CBFA2T2: variants seen among roughly 807,000 people sequenced by gnomAD.
CBFA2T2 encodes the protein CBFA2/RUNX1 partner transcriptional co-repressor 2.
CBFA2T2 carries 11 observed loss-of-function variants against 62.2 expected under a neutral mutation model. The observed-to-expected ratio is 0.18, with a 90% confidence interval of 0.11 to 0.29. CBFA2T2 has a LOEUF of 0.29. Among genes scored for constraint, CBFA2T2 ranks in the 10% least tolerant of loss-of-function variants. The pLI, the probability that CBFA2T2 is intolerant of heterozygous loss-of-function variation, is 1.00. For synonymous variants in CBFA2T2, 295 were observed against 287.5 expected, an observed-to-expected ratio of 1.03 and a Z score of -0.27; for missense variants, 592 against 774.1, an observed-to-expected ratio of 0.76 and a Z score of 2.79.
At position 33,569,138 on chromosome 20, in the gene CBFA2T2, A is replaced by G. The variant is rs1388991855; in HGVS notation, c.35-37818A>G. ...TTTCATGCCACACCCATAATATTCAAGCAAATCGTGGCCCAGTGCCCCTAG... is the reference window on the plus strand; with the variant it reads ...TTTCATGCCACACCCATAATATTCAGGCAAATCGTGGCCCAGTGCCCCTAG... On this transcript the variant is annotated intron_variant, in intron 1 of 10. Coordinates refer to ENST00000342704, the MANE Select transcript of CBFA2T2 (RefSeq NM_001032999.3). 2.0e-5 allele frequency among the ~76,000 whole-genome samples: 3 copies of G among 152,222 alleles called. No individual in the cohort carries two copies. The East Asian group carries it at 5.8e-4, about 29-fold the overall frequency.
chr20:33,567,296 G>C (rs2146898646), intron 1 of CBFA2T2, among the ~76,000 whole-genome samples: 1 of 152,290 alleles, frequency 6.6e-6, no homozygotes, highest in East Asian at 1.9e-4. Context: ...TCAGCAGTTT[G>C]TTATAGATGC....
Position 33,624,898 on chromosome 20 carries a change from A to G in CBFA2T2, c.827A>G (p.His276Arg). 1 of 1,614,068 alleles carries G rather than the reference A, an allele frequency of 6.2e-7. No homozygotes were observed. The highest frequency in any genetic ancestry group is 8.5e-7 in the Non-Finnish European group (1 of 1,179,998). ...VPLMNPGGQF[H>R]PTPPPLQHYT... ...CTCATGAATCCCGGGGGCCAATTCC[A>G]TCCTACCCCTCCACCTCTTCAGCAT... The change falls in exon 6 of 11, where the codon CAT becomes CGT. Residue 276 changes from histidine (H) to arginine (R), a missense_variant. Physicochemically the swap from His to Arg is conservative, Grantham distance 29. This residue lies in a region of CBFA2T2 where 449 missense variants were observed against 551.2 expected (regional missense o/e 0.81). Coordinates refer to ENST00000342704, the MANE Select transcript of CBFA2T2 (RefSeq NM_001032999.3).
At chr20:33,514,206 G>GT (rs1196003433) in intron 1 of CBFA2T2, among the ~76,000 whole-genome samples, 9,020 of 53,390 alleles carry the variant, frequency 0.17, 3,107 homozygotes, top group East Asian at 0.35. Flanking sequence ...CCCTGCCTTT[G>GT]TTTTTTTTTT....
chr20:33,636,258 C>CAA lies in CBFA2T2; in HGVS notation c.1229-362_1229-361dup, dbSNP rs34178424. On this transcript the variant is annotated intron_variant, in intron 8 of 10. Transcript: ENST00000342704. ...TGGGTGACAGAGTGAGACTCCGTCT[C>CAA]AAAAAAAAAAAAAAAAAAAAATCTG... Among the ~76,000 whole-genome samples, 216 of 74,948 alleles carry CAA rather than the reference C, an allele frequency of 2.9e-3. 2 individuals are homozygous for CAA. In the Middle Eastern group the frequency reaches 0.032, roughly 11 times the overall value. The allele number at this position is 74,948 out of a possible 152,430, so 49.2% of individuals were successfully genotyped here. A position where few individuals can be genotyped will look rare whatever the true frequency, so the allele number is the denominator to read the frequency against.
chr20:33,521,628 G>T (rs1423493654), intron 1 of CBFA2T2, among the ~76,000 whole-genome samples: 1 of 152,178 alleles, frequency 6.6e-6, no homozygotes, highest in African/African-American at 2.4e-5. Context: ...TGTACCATCT[G>T]TGGGAGCAGG....
In CBFA2T2 at chr20:33,566,549, G is replaced by T. The variant is rs144910408; in HGVS notation, c.35-40407G>T. Among the ~76,000 whole-genome samples, 848 of 152,066 alleles carry T rather than the reference G, an allele frequency of 5.6e-3. 5 individuals are homozygous for T. Among genetic ancestry groups the T allele is most frequent in the African/African-American group, 0.019 (792 of 41,454 alleles). ...TGAACCTGGGAGGCGGAAGTTGCAG[G>T]GAGCTGAGATCATGCCACTGTACTC... On this transcript the variant is annotated intron_variant, in intron 1 of 10. Transcript: ENST00000342704.
chr20:33,630,035 G>A, intron 8 of CBFA2T2, 121 bp downstream of exon 8: 1 of 833,580 alleles, frequency 1.2e-6, no homozygotes, highest in East Asian at 2.8e-5. Flanking sequence ...GTGGATTTAG[G>A]GAAACTCAGG....
chr20:33,644,919 A>G lies in CBFA2T2; in HGVS notation c.*273A>G, dbSNP rs2122409362. ...TTTGTTCCTCTCTCCACTGAAGCTG[A>G]CTTAGCCGGCCCCTTTTCAGTGTAG... is the stretch of plus-strand genomic sequence containing the variant. On this transcript the variant is annotated 3_prime_UTR_variant, in exon 11 of 11. Coordinates refer to ENST00000342704, the MANE Select transcript of CBFA2T2 (RefSeq NM_001032999.3). 4.6e-6 allele frequency: 2 copies of G among 435,192 alleles called. No individual in the cohort carries two copies. Among genetic ancestry groups the G allele is most frequent in the Non-Finnish European group, 8.2e-6 (2 of 243,628 alleles). 27.0% of individuals were successfully genotyped at this position (435,192 alleles called of 1,614,324 possible).
At chr20:33,636,871 T>C (rs2016653176) in intron 9 of CBFA2T2, among the ~76,000 whole-genome samples, 163 bp downstream of exon 9, 1 of 152,212 alleles carries the variant, frequency 6.6e-6, no homozygotes, top group African/African-American at 2.4e-5. Flanking sequence ...TTGTCCTGCA[T>C]GTCTCCTGAT....
At chr20:33,644,049 G>C (rs1436088308) in intron 10 of CBFA2T2, among the ~76,000 whole-genome samples, 1 of 151,674 alleles carries the variant, frequency 6.6e-6, no homozygotes, top group Admixed American at 6.6e-5. Flanking sequence ...AGGCAGGAGA[G>C]ATGGCCACCT....
intron 6 of CBFA2T2, among the ~76,000 whole-genome samples, chr20:33,627,597 G>T (rs1251681074): frequency 6.6e-6 from 1 of 152,092 alleles, no homozygotes; most frequent in Non-Finnish European, 1.5e-5. Flanking sequence ...TCAGCCTCCT[G>T]AGTGGCTGGG....
chr20:33,506,236 C>T (rs2011400668), intron 1 of CBFA2T2, among the ~76,000 whole-genome samples: 1 of 152,030 alleles, frequency 6.6e-6, no homozygotes, highest in Non-Finnish European at 1.5e-5. Flanking sequence ...CAGACCCTGT[C>T]TCTACAAGAT....
chr20:33,609,334 C>G (rs1177414651), intron 2 of CBFA2T2, among the ~76,000 whole-genome samples: 1 of 152,156 alleles, frequency 6.6e-6, no homozygotes, highest in South Asian at 2.1e-4. Flanking sequence ...AACCCTGTCT[C>G]TACTAAAAAT....
chr20:33,564,932 C>G (rs146041089), intron 1 of CBFA2T2, among the ~76,000 whole-genome samples: 1 of 151,834 alleles, frequency 6.6e-6, no homozygotes. Flanking sequence ...CTTTTCTTTT[C>G]TTTTTGAGAC....
chr20:33,542,833 G>C (rs1222944804), intron 1 of CBFA2T2, among the ~76,000 whole-genome samples: 2 of 151,900 alleles, frequency 1.3e-5, no homozygotes, highest in South Asian at 2.1e-4. Flanking sequence ...GGCCACACCT[G>C]ACTAATTTTA....
chr20:33,514,421 G>A (rs2011566085), intron 1 of CBFA2T2, among the ~76,000 whole-genome samples: 1 of 151,728 alleles, frequency 6.6e-6, no homozygotes, highest in Non-Finnish European at 1.5e-5. Context: ...CACCATGTCT[G>A]GAGAGGAGCA....
intron 1 of CBFA2T2, among the ~76,000 whole-genome samples, chr20:33,509,981 C>T (rs1030716505): frequency 6.6e-6 from 1 of 151,950 alleles, no homozygotes; most frequent in Non-Finnish European, 1.5e-5. Context: ...GCCCCCCACC[C>T]CACCACAGGC....
chr20:33,508,256 G>A (rs933525126), intron 1 of CBFA2T2, among the ~76,000 whole-genome samples: 1 of 151,922 alleles, frequency 6.6e-6, no homozygotes, highest in Non-Finnish European at 1.5e-5. Flanking sequence ...CACCACACCT[G>A]GCTAATTTTT....
intron 2 of CBFA2T2, among the ~76,000 whole-genome samples, chr20:33,608,132 A>G (rs1196684102): frequency 1.3e-5 from 2 of 152,218 alleles, no homozygotes; most frequent in Admixed American, 6.6e-5. Context: ...TTTCAGTCCT[A>G]TATATCTATA....
Sources: allele counts gnomAD v4.1 joint callset (sites outside exome capture counted in the v4.1 genomes callset), GRCh38; gene constraint gnomAD v4.1.1; regional missense constraint gnomAD v4.1.1; transcripts MANE v1.5; gene names NCBI Gene and HGNC (gene_info 2026-07-23, HGNC 2026-07-21).